Variants in RCC1 observed in about 807,000 individuals in gnomAD.
The protein encoded by RCC1 is regulator of chromosome condensation 1, also known as regulator of chromosome condensation.
Under a neutral mutation model 44.4 loss-of-function variants are expected in RCC1, and 11 were observed. The observed-to-expected ratio is 0.25, with a 90% CI of 0.16 to 0.41. The LOEUF is 0.41. Ranked by LOEUF, RCC1 falls within the 10% of genes least tolerant of loss-of-function variation. The pLI is 1.00. For missense variants in RCC1, 386 were observed against 547.1 expected (o/e 0.71, Z 2.94); for synonymous variants, 213 against 216.5 (o/e 0.98, Z 0.14).
At chr1:28,528,979 C>A (rs1663902072) in intron 4 of RCC1, among the ~76,000 whole-genome samples, 1 of 150,208 alleles carries the variant, frequency 6.7e-6, no homozygotes, top group Admixed American at 6.7e-5. Flanking sequence ...TCTCCTGCCT[C>A]AGCCTCCCAA....
chr1:28,524,265 T>G (rs1429461491), intron 4 of RCC1, among the ~76,000 whole-genome samples: 1 of 152,218 alleles, frequency 6.6e-6, no homozygotes, highest in African/African-American at 2.4e-5. Flanking sequence ...TGTTCAACAG[T>G]GTTCTCTATC....
rs1168443435 is a variant in RCC1 at position 28,533,845 on chromosome 1, C to CTTTTTTTTTTTTTTTTTTTTT, written c.442-1175_442-1155dup. ...ATATTTTTTTCTTTTCTTTTCTTTT[C>CTTTTTTTTTTTTTTTTTTTTT]TTTTTTTTTTTTTTTTTTTTTTTTT... On this transcript the variant is annotated intron_variant, in intron 7 of 12. Transcript: ENST00000683442. Among the ~76,000 whole-genome samples, 21 of 46,870 alleles carry CTTTTTTTTTTTTTTTTTTTTT rather than the reference C, an allele frequency of 4.5e-4. 7 individuals are homozygous for CTTTTTTTTTTTTTTTTTTTTT. Among genetic ancestry groups the CTTTTTTTTTTTTTTTTTTTTT allele is most frequent in the East Asian group, 2.3e-3 (2 of 870 alleles). The allele number at this position is 46,870 out of a possible 152,430, so 30.7% of individuals were successfully genotyped here.
chr1:28,513,332 C>T (rs1662676983), intron 3 of RCC1, among the ~76,000 whole-genome samples: 1 of 151,982 alleles, frequency 6.6e-6, no homozygotes. Flanking sequence ...GCAGCTGGTA[C>T]TACAGCATGC....
chr1:28,510,614 C>G (rs544679234), intron 3 of RCC1: 1 of 152,298 alleles, frequency 6.6e-6, no homozygotes, highest in East Asian at 1.9e-4. Context: ...AAGGCATCTT[C>G]CTAAAGCAAT....
intron 12 of RCC1, 148 bp downstream of exon 12, chr1:28,537,047 A>G (rs1570229056): frequency 1.2e-6 from 1 of 812,038 alleles, no homozygotes; most frequent in East Asian, 2.5e-5. Flanking sequence ...TGCTTCTCAG[A>G]AGCTCTGGCA....
intron 4 of RCC1, chr1:28,527,171 T>G (rs1663720420): frequency 8.0e-7 from 1 of 1,252,160 alleles, no homozygotes; most frequent in Admixed American, 1.9e-5. Flanking sequence ...CCCCAAGGAA[T>G]GGCACTCACA....
chr1:28,530,662 T>C, intron 5 of RCC1: 1 of 1,483,114 alleles, frequency 6.7e-7, no homozygotes, highest in African/African-American at 1.4e-5. Flanking sequence ...CGCGGGCTCC[T>C]CAGCGGTGGC....
intron 2 of RCC1, 21 bp downstream of exon 2, chr1:28,508,181 T>G (rs1192774234): frequency 2.3e-6 from 1 of 440,690 alleles, no homozygotes; most frequent in African/African-American, 2.0e-5. Context: ...CTGCTAATTG[T>G]TTTTTGCTTA....
chr1:28,509,989 AT>A, intron 3 of RCC1: 1 of 152,310 alleles, frequency 6.6e-6, no homozygotes, highest in Non-Finnish European at 1.5e-5. Flanking sequence ...GATTGCCAGA[AT>A]TGCTTGCCTC....
intron 5 of RCC1, 21 bp from the exon 6 acceptor site, chr1:28,531,782 T>G: frequency 6.6e-7 from 1 of 1,509,578 alleles, no homozygotes; most frequent in Non-Finnish European, 8.8e-7. Flanking sequence ...ACACTCAGGG[T>G]CTATCTTCTT....
intron 1 of RCC1, chr1:28,507,686 C>T (rs539930374): frequency 2.7e-6 from 1 of 375,010 alleles, no homozygotes; most frequent in East Asian, 7.2e-5. Context: ...CTCTGCCTCC[C>T]GGGTTCAAGT....
At chr1:28,524,612 C>A (rs1337815896) in intron 4 of RCC1, among the ~76,000 whole-genome samples, 1 of 152,054 alleles carries the variant, frequency 6.6e-6, no homozygotes, top group Non-Finnish European at 1.5e-5. Context: ...AATCCCAGCA[C>A]TTTGGGAGTC....
At chr1:28,530,557 C>T (rs771688040) in intron 5 of RCC1, 3 of 1,606,220 alleles carry the variant, frequency 1.9e-6, no homozygotes, top group East Asian at 2.2e-5. Context: ...GCGTTCCTGG[C>T]GCCCGCTCCT....
intron 4 of RCC1, among the ~76,000 whole-genome samples, chr1:28,523,050 G>A (rs111572425): frequency 1.1e-4 from 3 of 28,458 alleles, no homozygotes; most frequent in Non-Finnish European, 2.2e-4. Flanking sequence ...TTTTTTTTTT[G>A]AGACGGAGTC....
chr1:28,530,786 C>A (rs189791940), intron 5 of RCC1, among the ~76,000 whole-genome samples: 2 of 152,142 alleles, frequency 1.3e-5, no homozygotes, highest in Admixed American at 6.5e-5. Context: ...TGCCGCTGTC[C>A]GCTCTTCCTC....
chr1:28,511,388 A>T (rs1429701174), intron 3 of RCC1, among the ~76,000 whole-genome samples: 1 of 148,186 alleles, frequency 6.7e-6, no homozygotes, highest in African/African-American at 2.6e-5. Flanking sequence ...TACAGTATCC[A>T]ATTTTTTGTT....
chr1:28,530,501 A>C (rs568874765), intron 5 of RCC1: 2 of 1,593,808 alleles, frequency 1.3e-6, no homozygotes, highest in Admixed American at 1.7e-5. Flanking sequence ...ACCCACGCTC[A>C]GACAGTGTCT....
At chr1:28,510,429 C>G (rs1337676801) in intron 3 of RCC1, 1 of 152,148 alleles carries the variant, frequency 6.6e-6, no homozygotes, top group Non-Finnish European at 1.5e-5. Context: ...ATCTAGAGAT[C>G]CTGGCCAACG....
At chr1:28,508,313 T>C (rs1229676035) in intron 2 of RCC1, 153 bp downstream of exon 2, 2 of 352,348 alleles carry the variant, frequency 5.7e-6, no homozygotes, top group Admixed American at 3.7e-5. Context: ...ATATCGACTT[T>C]GCTGCATTTT....
Sources: allele counts gnomAD v4.1 joint callset (sites outside exome capture counted in the v4.1 genomes callset), GRCh38; gene constraint gnomAD v4.1.1; transcripts MANE v1.5; gene names NCBI Gene and HGNC (gene_info 2026-07-23, HGNC 2026-07-21).